The following IST1 variants were observed in gnomAD, a reference collection of about 807,000 sequenced individuals.
The protein encoded by IST1 is IST1 homolog.
Under a neutral mutation model 37.0 loss-of-function variants are expected in IST1, and 23 were observed. The observed-to-expected ratio is 0.62, with a 90% CI of 0.45 to 0.88. IST1 has a LOEUF of 0.88. Among genes scored for constraint, IST1 ranks in the 40% least tolerant of loss-of-function variants. The pLI is 0.00. For missense variants in IST1, 488 were observed against 445.4 expected (o/e 1.10, Z -0.86); for synonymous variants, 180 against 161.7 (o/e 1.11, Z -0.86).
intron 1 of IST1, among the ~76,000 whole-genome samples, chr16:71,898,716 C>T (rs1289457296): frequency 2.0e-5 from 3 of 150,288 alleles, no homozygotes; most frequent in East Asian, 2.0e-4. Flanking sequence ...TGGTGGCTCA[C>T]GCCTGTAATC....
chr16:71,894,960 G>A (rs1237126059), upstream of IST1: 3 of 854,762 alleles, frequency 3.5e-6, no homozygotes, highest in South Asian at 3.0e-5. Flanking sequence ...CACACAGACC[G>A]GAGCGATGCT....
chr16:71,929,714 A>G lies in IST1; in HGVS notation c.*1901A>G, dbSNP rs940322285. On this transcript the variant is annotated 3_prime_UTR_variant, in exon 10 of 10. Transcript: ENST00000378799. Reference sequence around the variant, plus strand: ...AAGACAAAAAGAGAAAAGTGAGAAAATTGAAATTACTGCTAATAGTGGAGT... The same window carrying G: ...AAGACAAAAAGAGAAAAGTGAGAAAGTTGAAATTACTGCTAATAGTGGAGT... 3 of 1,496,768 alleles carry G rather than the reference A, an allele frequency of 2.0e-6. No homozygotes were observed. Among genetic ancestry groups the G allele is most frequent in the Non-Finnish European group, 2.7e-6 (3 of 1,117,016 alleles). The allele number at this position is 1,496,768 out of a possible 1,614,324, so 92.7% of individuals were successfully genotyped here. A position where few individuals can be genotyped will look rare whatever the true frequency, so the allele number is the denominator to read the frequency against.
intron 1 of IST1, among the ~76,000 whole-genome samples, chr16:71,900,513 C>G (rs1238492720): frequency 1.3e-5 from 2 of 151,894 alleles, no homozygotes; most frequent in Non-Finnish European, 2.9e-5. Flanking sequence ...GATGGGGAGG[C>G]TAACTAGCTC....
rs749136820 is a variant in IST1 at position 71,917,079 on chromosome 16, C to T, written c.302C>T (p.Ser101Phe). 2 of 1,612,044 alleles carry T rather than the reference C, an allele frequency of 1.2e-6. No individual in the cohort carries two copies. Among genetic ancestry groups the T allele is most frequent in the Non-Finnish European group, 1.7e-6 (2 of 1,179,038 alleles). The change falls in exon 4 of 10, where the codon TCT becomes TTT. Residue 101 changes from serine to phenylalanine, a missense_variant. Physicochemically the swap from Ser to Phe is radical, Grantham distance 155 (BLOSUM62 -2). Coordinates refer to ENST00000378799, the MANE Select transcript of IST1 (RefSeq NM_001270975.2). ...GATTCTGGTCTGGCTGAATCTGTGTCTACATTGATCTGGGCTGCTCCTCGA... is the reference window on the plus strand; with the variant it reads ...GATTCTGGTCTGGCTGAATCTGTGTTTACATTGATCTGGGCTGCTCCTCGA... Reference protein sequence around the residue: ...ELDSGLAESVSTLIWAAPRLQ... With the variant: ...ELDSGLAESVFTLIWAAPRLQ...
chr16:71,930,548 A>T lies in IST1; in HGVS notation c.*2735A>T, dbSNP rs1323085886. On this transcript the variant is annotated 3_prime_UTR_variant, in exon 10 of 10. Transcript: ENST00000378799. ...CTGAAAGATTAAATGCATACCAGAA[A>T]TGAGAATGCACACTGTCTCTGCCAT... 6.1e-6 allele frequency: 1 copy of T among 162,670 alleles called. No individual in the cohort carries two copies. The highest frequency in any genetic ancestry group is 2.4e-5 in the African/African-American group (1 of 41,826). 10.1% of individuals were successfully genotyped at this position (162,670 alleles called of 1,614,324 possible).
chr16:71,920,684 A>G, intron 4 of IST1, 55 bp from the exon 5 acceptor site: 2 of 1,285,576 alleles, frequency 1.6e-6, no homozygotes, highest in Non-Finnish European at 2.3e-6. Flanking sequence ...GAAGAAGCTT[A>G]AAGCAGTCCG....
intron 1 of IST1, among the ~76,000 whole-genome samples, chr16:71,907,770 A>C (rs973144002): frequency 1.3e-5 from 2 of 151,916 alleles, no homozygotes; most frequent in Non-Finnish European, 2.9e-5. Flanking sequence ...TGTTTAGTCC[A>C]TACAGTTTCT....
intron 1 of IST1, among the ~76,000 whole-genome samples, chr16:71,900,534 A>C (rs2037084906): frequency 6.6e-6 from 1 of 152,016 alleles, no homozygotes; most frequent in Admixed American, 6.6e-5. Flanking sequence ...GCGAAGTCTC[A>C]GCGAGCTGAG....
rs1353671643 is a variant in IST1, at chr16:71,913,296, A to G, written c.-15-2330A>G. ...AAATTTTCTTTTTTTTTTTGATAGTAGCCATCCTAATGGGTGTGAGGTGGT... is the reference window on the plus strand; with the variant it reads ...AAATTTTCTTTTTTTTTTTGATAGTGGCCATCCTAATGGGTGTGAGGTGGT... On this transcript the variant is annotated intron_variant, in intron 1 of 9. Transcript: ENST00000378799. 1.3e-5 allele frequency among the ~76,000 whole-genome samples: 2 copies of G among 151,532 alleles called. 1 individual carries two copies. The highest frequency in any genetic ancestry group is 4.2e-4 in the South Asian group (2 of 4,810).
chr16:71,921,097 A>T (rs1263475528), intron 5 of IST1: 3 of 598,824 alleles, frequency 5.0e-6, no homozygotes, highest in Non-Finnish European at 9.0e-6. Context: ...GGGTGGATGA[A>T]TTGAACTGTG....
At chr16:71,897,303 G>GT (rs1418756878) in intron 1 of IST1, among the ~76,000 whole-genome samples, 6 of 151,766 alleles carry the variant, frequency 4.0e-5, no homozygotes, top group Admixed American at 2.0e-4. Context: ...TGAATCCCCA[G>GT]TGTTAGTGTT....
upstream of IST1, chr16:71,895,470 C>G (rs2036942957): frequency 1.0e-6 from 1 of 971,480 alleles, no homozygotes; most frequent in Non-Finnish European, 1.2e-6. Flanking sequence ...GAGGGCGTGG[C>G]TATATCGGCC....
Position 71,931,002 on chromosome 16 carries a change from T to G in IST1, c.*3189T>G, listed in dbSNP as rs1433624714. Reference sequence around the variant, plus strand: ...TAACAATTTCAGGTCAACCAGATAATGTGGGCAATCTCTGAGTTTGTGATA... The same window carrying G: ...TAACAATTTCAGGTCAACCAGATAAGGTGGGCAATCTCTGAGTTTGTGATA... On this transcript the variant is annotated 3_prime_UTR_variant, in exon 10 of 10. Coordinates refer to ENST00000378799, the MANE Select transcript of IST1 (RefSeq NM_001270975.2). The G allele has an allele frequency of 6.6e-6, 1 of 152,234 alleles. No homozygotes were observed. Among genetic ancestry groups the G allele is most frequent in the Non-Finnish European group, 1.5e-5 (1 of 68,046 alleles). The allele number at this position is 152,234 out of a possible 1,614,324, so 9.4% of individuals were successfully genotyped here.
In IST1 at chr16:71,922,744, G is replaced by A. The variant is rs1197451623; in HGVS notation, c.759+64G>A. 3.7e-6 allele frequency: 5 copies of A among 1,337,580 alleles called. No individual in the cohort carries two copies. The East Asian group carries it at 1.3e-4, about 34-fold the overall frequency. 82.9% of individuals were successfully genotyped at this position (1,337,580 alleles called of 1,614,324 possible). On this transcript the variant is annotated intron_variant, in intron 7 of 9. Transcript: ENST00000378799. ...GTTATAGATAACAAGTTGGCTCTGT[G>A]AACACACTCAGGAATCATAGGTTGT...
intron 1 of IST1, among the ~76,000 whole-genome samples, chr16:71,912,550 T>C (rs1222931872): frequency 1.3e-5 from 2 of 152,224 alleles, no homozygotes; most frequent in Non-Finnish European, 2.9e-5. Flanking sequence ...AATATTCTTT[T>C]ATGTTTATCC....
intron 8 of IST1, chr16:71,924,133 G>A (rs2037679784): frequency 2.2e-6 from 1 of 455,796 alleles, no homozygotes; most frequent in African/African-American, 2.0e-5. Context: ...TTATGCTTTG[G>A]TTTTGCATGC....
intron 1 of IST1, among the ~76,000 whole-genome samples, chr16:71,908,356 A>G (rs1273058541): frequency 6.3e-5 from 8 of 127,994 alleles, no homozygotes; most frequent in African/African-American, 1.2e-4. Flanking sequence ...CTGGAGTGCA[A>G]TGGCACGATC....
In IST1 at chr16:71,900,398, A is replaced by G. The variant is rs113897681; in HGVS notation, c.-16+4809A>G. Among the ~76,000 whole-genome samples, 72 of 134,358 alleles carry G rather than the reference A, an allele frequency of 5.4e-4. 1 individual carries two copies. Among genetic ancestry groups the G allele is most frequent in the African/African-American group, 2.0e-3 (68 of 34,416 alleles). 88.1% of individuals were successfully genotyped at this position (134,358 alleles called of 152,430 possible). ...TTTGAATAGAGCTTTCAGGATCACT[A>G]CTTCTGGGCAGCTTCACTATTTTGG... On this transcript the variant is annotated intron_variant, in intron 1 of 9. Coordinates refer to ENST00000378799, the MANE Select transcript of IST1 (RefSeq NM_001270975.2).
chr16:71,925,695 C>G (rs1003279774), intron 9 of IST1, among the ~76,000 whole-genome samples: 1 of 148,758 alleles, frequency 6.7e-6, no homozygotes, highest in African/African-American at 2.6e-5. Flanking sequence ...TGGTGATTCA[C>G]ATTTGTAATC....
Sources: allele counts gnomAD v4.1 joint callset (sites outside exome capture counted in the v4.1 genomes callset), GRCh38; gene constraint gnomAD v4.1.1; transcripts MANE v1.5; gene names NCBI Gene and HGNC (gene_info 2026-07-23, HGNC 2026-07-21).